PRPF39: variants seen among roughly 807,000 people sequenced by gnomAD.
PRPF39 encodes pre-mRNA processing factor 39.
A neutral mutation model predicts 82.1 loss-of-function variants in PRPF39; 27 were observed. The observed-to-expected ratio is 0.33, with a 90% CI of 0.24 to 0.45. The LOEUF (loss-of-function observed/expected upper bound fraction) is 0.45, where lower values mean the gene tolerates loss of function less well. PRPF39 is among the 20% of genes least tolerant of loss of function. PRPF39 has a pLI of 1.00. For missense variants in PRPF39, 581 were observed against 796.9 expected (o/e 0.73, Z 3.26); for synonymous variants, 261 against 256.4 (o/e 1.02, Z -0.17).
At chr14:45,095,835 G>T (rs1884180853) in intron 2 of PRPF39, 2 of 454,618 alleles carry the variant, frequency 4.4e-6, no homozygotes, top group Non-Finnish European at 7.2e-6. Flanking sequence ...GGCAAAATTA[G>T]TTCCTTCTGT....
chr14:45,097,339 C>G (rs1443079558), intron 4 of PRPF39, among the ~76,000 whole-genome samples: 1 of 151,742 alleles, frequency 6.6e-6, no homozygotes, highest in Non-Finnish European at 1.5e-5. Flanking sequence ...CTCTTCCTGC[C>G]ATATTTTTTA....
At chr14:45,107,928 C>T (rs967358097) in intron 6 of PRPF39, among the ~76,000 whole-genome samples, 3 of 151,556 alleles carry the variant, frequency 2.0e-5, no homozygotes, top group South Asian at 4.2e-4. Flanking sequence ...GACTCCATCT[C>T]GGGGGGAAAA....
intron 4 of PRPF39, 44 bp downstream of exon 4, chr14:45,097,049 AATT>A: frequency 6.7e-7 from 1 of 1,486,014 alleles, no homozygotes; most frequent in Non-Finnish European, 8.9e-7. Context: ...TGATATAAAT[AATT>A]ATTCTGATGT....
intron 1 of PRPF39, among the ~76,000 whole-genome samples, chr14:45,084,835 A>G (rs549473309): frequency 6.6e-6 from 1 of 152,338 alleles, no homozygotes; most frequent in South Asian, 2.1e-4. Context: ...TAACTTTGGT[A>G]ATCAGAGACC....
chr14:45,107,689 G>A (rs980784796), intron 6 of PRPF39, 73 bp downstream of exon 6: 4 of 1,444,080 alleles, frequency 2.8e-6, no homozygotes, highest in Non-Finnish European at 3.7e-6. Context: ...AGCACTTTGG[G>A]AGGCCAAGGT....
rs141083470 is a variant in PRPF39 at position 45,092,292 on chromosome 14, A to G, written c.-19-2929A>G. ...ACAGTGTCTGCCAGATGACTAGTGC[A>G]ACTTTTCCAGAGAGAAATTGTCAGC... On this transcript the variant is annotated intron_variant, in intron 1 of 13. Coordinates refer to ENST00000355765, the MANE Select transcript of PRPF39 (RefSeq NM_017922.4). 3.2e-3 allele frequency among the ~76,000 whole-genome samples: 485 copies of G among 152,282 alleles called. 1 individual carries two copies. The highest frequency in any genetic ancestry group is 0.011 in the African/African-American group (469 of 41,562).
chr14:45,102,344 T>G (rs1219266308), intron 4 of PRPF39, among the ~76,000 whole-genome samples, 185 bp from the exon 5 acceptor site: 1 of 152,258 alleles, frequency 6.6e-6, no homozygotes, highest in East Asian at 1.9e-4. Flanking sequence ...TTCTCTTTGT[T>G]TTCTCACTCT....
At chr14:45,113,339 T>G (rs1056356498) in intron 11 of PRPF39, among the ~76,000 whole-genome samples, 14 of 152,238 alleles carry the variant, frequency 9.2e-5, no homozygotes, top group African/African-American at 3.1e-4. Context: ...TGTTTTATAT[T>G]AGCTATCTTG....
Position 45,095,238 on chromosome 14 carries a change from A to G in PRPF39, c.-2A>G, listed in dbSNP as rs756317205. The G allele has an allele frequency of 4.0e-5, 63 of 1,575,402 alleles. No homozygotes were observed. The highest frequency in any genetic ancestry group is 5.1e-5 in the Non-Finnish European group (59 of 1,153,514). On this transcript the variant is annotated 5_prime_UTR_variant, in exon 2 of 14. Transcript: ENST00000355765. The stretch of plus-strand genomic sequence containing the variant: ...TTCCACAGATCGTTAACTGAAGACA[A>G]TATGCAAAATTCTCACATGGATGAA...
intron 1 of PRPF39, among the ~76,000 whole-genome samples, chr14:45,090,665 A>AT (rs147800717): frequency 0.051 from 7,824 of 151,936 alleles, 663 homozygotes; most frequent in African/African-American, 0.18. Flanking sequence ...TTTTCAAATG[A>AT]TTTTTTCAAT....
At chr14:45,103,341 A>G (rs183460093) in intron 5 of PRPF39, among the ~76,000 whole-genome samples, 3 of 152,114 alleles carry the variant, frequency 2.0e-5, no homozygotes, top group Non-Finnish European at 4.4e-5. Flanking sequence ...GGATCCAGAA[A>G]GTCTTTCTGA....
chr14:45,085,591 C>T (rs1037994666), intron 1 of PRPF39, among the ~76,000 whole-genome samples: 3 of 152,056 alleles, frequency 2.0e-5, no homozygotes, highest in South Asian at 2.1e-4. Flanking sequence ...TCCAAAAAGC[C>T]GAAGATTGAT....
chr14:45,110,966 C>T lies in PRPF39; in HGVS notation c.1572+149C>T. The stretch of plus-strand genomic sequence containing the variant: ...CAACAGTCCCTCTAAACTGATGTTG[C>T]CATTTAAAAATTTTTTTCAAATTGT... On this transcript the variant is annotated intron_variant, in intron 10 of 13. Transcript: ENST00000355765. The surrounding 1 kb of genome is among the most constrained non-coding windows in gnomAD (Gnocchi z 4.0). 1.3e-6 allele frequency: 1 copy of T among 776,590 alleles called. No individual in the cohort carries two copies. The highest frequency in any genetic ancestry group is 1.9e-6 in the Non-Finnish European group (1 of 513,618). 48.1% of individuals were successfully genotyped at this position (776,590 alleles called of 1,614,324 possible).
chr14:45,105,712 A>G (rs1376817940), intron 5 of PRPF39, among the ~76,000 whole-genome samples: 2 of 151,828 alleles, frequency 1.3e-5, no homozygotes. Context: ...TTTTTGGTAC[A>G]GATGGGTTTC....
Position 45,115,047 on chromosome 14 carries a change from T to C in PRPF39, c.*134T>C. ...CCTTGTTTCTGTGTAACATGATTTGTTTAGTAATAGGGGGAAAATGTCAAT... is the reference window on the plus strand; with the variant it reads ...CCTTGTTTCTGTGTAACATGATTTGCTTAGTAATAGGGGGAAAATGTCAAT... On this transcript the variant is annotated 3_prime_UTR_variant, in exon 14 of 14. Coordinates refer to ENST00000355765, the MANE Select transcript of PRPF39 (RefSeq NM_017922.4). The C allele has an allele frequency of 1.7e-6, 1 of 604,824 alleles. No homozygotes were observed. The highest frequency in any genetic ancestry group is 3.0e-5 in the East Asian group (1 of 33,884). The allele number at this position is 604,824 out of a possible 1,614,324, so 37.5% of individuals were successfully genotyped here.
chr14:45,101,809 C>CT lies in PRPF39; in HGVS notation c.570-705dup, dbSNP rs34278709. Among the ~76,000 whole-genome samples, 961 of 137,594 alleles carry CT rather than the reference C, an allele frequency of 7.0e-3. 12 individuals are homozygous for CT. Among genetic ancestry groups the CT allele is most frequent in the African/African-American group, 0.02 (744 of 37,522 alleles). 90.3% of individuals were successfully genotyped at this position (137,594 alleles called of 152,430 possible). On this transcript the variant is annotated intron_variant, in intron 4 of 13. Coordinates refer to ENST00000355765, the MANE Select transcript of PRPF39 (RefSeq NM_017922.4). ...TTGAGAGGTTTAAAGTATATGTATA[C>CT]TTTTTTTTTTTTTTTGAGACAGAGT...
chr14:45,085,413 T>C (rs188495675), intron 1 of PRPF39, among the ~76,000 whole-genome samples: 3 of 152,308 alleles, frequency 2.0e-5, no homozygotes, highest in Admixed American at 2.0e-4. Context: ...TTTCCTTGCT[T>C]ATAATTGAAT....
chr14:45,099,828 T>C (rs773904584), intron 4 of PRPF39, among the ~76,000 whole-genome samples: 1 of 152,194 alleles, frequency 6.6e-6, no homozygotes, highest in Non-Finnish European at 1.5e-5. Context: ...TGGCTGCATA[T>C]CTTTTTGTTA....
At chr14:45,085,258 G>A (rs1392433377) in intron 1 of PRPF39, among the ~76,000 whole-genome samples, 1 of 152,078 alleles carries the variant, frequency 6.6e-6, no homozygotes, top group Non-Finnish European at 1.5e-5. Flanking sequence ...ACTTTCCACT[G>A]TTCACTCTCT....
Sources: gnomAD v4.1 joint callset for allele counts (sites outside exome capture counted in the v4.1 genomes callset) on GRCh38, gnomAD v4.1.1 for gene constraint, Gnocchi (gnomAD v3.1) non-coding constraint, MANE v1.5 for transcripts, NCBI Gene and HGNC (gene_info 2026-07-23, HGNC 2026-07-21) for gene names.